BCL2L1: variants seen among roughly 807,000 people sequenced by gnomAD.
The protein encoded by BCL2L1 is BCL2 like 1.
In BCL2L1, 1 loss-of-function variant was observed where a neutral mutation model predicts 18.7. The ratio of observed to expected loss-of-function variants is 0.05; its 90% CI spans 0.02 to 0.25. The LOEUF is 0.25. BCL2L1 is among the 10% of genes least tolerant of loss of function. The pLI, the probability that BCL2L1 is intolerant of heterozygous loss-of-function variation, is 1.00. For missense variants in BCL2L1, 207 were observed against 304.9 expected (o/e 0.68, Z 2.39); for synonymous variants, 103 against 122.7 (o/e 0.84, Z 1.06).
intron 2 of BCL2L1, among the ~76,000 whole-genome samples, chr20:31,692,031 A>G (rs1324491274): frequency 6.6e-6 from 1 of 152,232 alleles, no homozygotes; most frequent in Non-Finnish European, 1.5e-5. Flanking sequence ...AAACCCTACA[A>G]CAATGATTCT....
intron 2 of BCL2L1, among the ~76,000 whole-genome samples, chr20:31,681,839 T>C (rs1187101939): frequency 6.6e-6 from 1 of 152,214 alleles, no homozygotes; most frequent in Non-Finnish European, 1.5e-5. Flanking sequence ...CTATTTCTGC[T>C]GCTCTCATGG....
intron 2 of BCL2L1, among the ~76,000 whole-genome samples, chr20:31,697,893 T>TTTTTTTTTGTTTGTTTGTTTGTTTG (rs1568880175): frequency 2.8e-5 from 3 of 108,112 alleles, no homozygotes; most frequent in African/African-American, 4.9e-5. Context: ...GCTGTTGCTG[T>TTTTTTTTTGTTTGTTTGTTTGTTTG]TTTTTTTTTT....
chr20:31,681,369 C>T (rs1023403401), intron 2 of BCL2L1, among the ~76,000 whole-genome samples: 5 of 152,164 alleles, frequency 3.3e-5, no homozygotes, highest in Non-Finnish European at 5.9e-5. Flanking sequence ...TAAGGCTGGG[C>T]CAGGTGTAGC....
chr20:31,675,257 G>C (rs2060741064), intron 2 of BCL2L1, among the ~76,000 whole-genome samples: 1 of 152,202 alleles, frequency 6.6e-6, no homozygotes, highest in Non-Finnish European at 1.5e-5. Context: ...GCCAGGAAAA[G>C]TGCCAGGGAC....
chr20:31,715,287 A>G lies in BCL2L1; in HGVS notation c.564+6368T>C, dbSNP rs184872791. On this transcript the variant is annotated intron_variant, in intron 2 of 2. Coordinates refer to ENST00000307677, the MANE Select transcript of BCL2L1 (RefSeq NM_138578.3). ...ACTCTGTCTCAAAAAAAAAAAAAAAAGGAATACAGACCATTCCACCAAAGC... is the reference window on the plus strand; with the variant it reads ...ACTCTGTCTCAAAAAAAAAAAAAAAGGGAATACAGACCATTCCACCAAAGC... 4.6e-3 allele frequency among the ~76,000 whole-genome samples: 701 copies of G among 151,330 alleles called. 27 individuals are homozygous for G. In the East Asian group the frequency reaches 0.096, roughly 21 times the overall value.
chr20:31,687,790 C>G (rs936144253), intron 2 of BCL2L1, among the ~76,000 whole-genome samples: 6 of 152,106 alleles, frequency 3.9e-5, no homozygotes, highest in Non-Finnish European at 8.8e-5. Flanking sequence ...CTCATAGCTT[C>G]CAGGCTGGCT....
intron 2 of BCL2L1, among the ~76,000 whole-genome samples, chr20:31,712,229 G>A (rs58002849): frequency 0.035 from 5,390 of 152,224 alleles, 306 homozygotes; most frequent in African/African-American, 0.12. Context: ...ATAGCGCACT[G>A]GACGAGGGAA....
intron 2 of BCL2L1, 58 bp from the exon 3 acceptor site, chr20:31,666,144 TG>T (rs2060584108): frequency 6.3e-7 from 1 of 1,597,050 alleles, no homozygotes; most frequent in Non-Finnish European, 8.6e-7. Flanking sequence ...TGTAGGTGGG[TG>T]GGGAAAGGGG....
intron 2 of BCL2L1, among the ~76,000 whole-genome samples, chr20:31,715,102 G>A (rs980141344): frequency 2.8e-4 from 42 of 151,792 alleles, no homozygotes; most frequent in African/African-American, 9.9e-4. Context: ...GTGAAACCCC[G>A]TCTACTAAAA....
intron 2 of BCL2L1, among the ~76,000 whole-genome samples, chr20:31,709,328 T>G (rs544467974): frequency 6.6e-6 from 1 of 152,060 alleles, no homozygotes; most frequent in South Asian, 2.1e-4. Flanking sequence ...TGTGTGTGTG[T>G]GCGCGCGTGC....
intron 2 of BCL2L1, among the ~76,000 whole-genome samples, chr20:31,700,169 G>C (rs2061252147): frequency 6.6e-6 from 1 of 152,170 alleles, no homozygotes; most frequent in Non-Finnish European, 1.5e-5. Flanking sequence ...GTTTATCTTA[G>C]CATCTTCAGC....
At chr20:31,689,062 A>C (rs1332675237) in intron 2 of BCL2L1, among the ~76,000 whole-genome samples, 1 of 151,270 alleles carries the variant, frequency 6.6e-6, no homozygotes, top group African/African-American at 2.4e-5. Context: ...AGGTAAAATA[A>C]TAGGGAAAGA....
chr20:31,670,707 A>G (rs2060654213), intron 2 of BCL2L1, among the ~76,000 whole-genome samples: 1 of 152,126 alleles, frequency 6.6e-6, no homozygotes, highest in Non-Finnish European at 1.5e-5. Context: ...TAGTATTTCC[A>G]AGGGGTGTGG....
intron 2 of BCL2L1, among the ~76,000 whole-genome samples, chr20:31,707,660 C>A (rs908334230): frequency 2.6e-5 from 4 of 151,936 alleles, no homozygotes; most frequent in Admixed American, 1.3e-4. Flanking sequence ...TGCCTGTAAT[C>A]CCAGCTACTC....
At chr20:31,691,706 A>G (rs1258473440) in intron 2 of BCL2L1, among the ~76,000 whole-genome samples, 1 of 152,198 alleles carries the variant, frequency 6.6e-6, no homozygotes, top group Non-Finnish European at 1.5e-5. Context: ...AAAGCCTACA[A>G]ACCCATAAGA....
intron 2 of BCL2L1, 105 bp from the exon 3 acceptor site, chr20:31,666,191 C>G: frequency 7.1e-7 from 1 of 1,416,610 alleles, no homozygotes. Flanking sequence ...ATGTGAAAAA[C>G]TGTAGCCATC....
At chr20:31,676,587 T>A (rs1464902407) in intron 2 of BCL2L1, among the ~76,000 whole-genome samples, 1 of 152,134 alleles carries the variant, frequency 6.6e-6, no homozygotes, top group Non-Finnish European at 1.5e-5. Flanking sequence ...TCCATTCTTC[T>A]CCCAGTGTCC....
At chr20:31,720,919 C>T (rs1478237614) in intron 2 of BCL2L1, 5 of 985,308 alleles carry the variant, frequency 5.1e-6, no homozygotes, top group Admixed American at 1.2e-4. Context: ...CCAACCGACC[C>T]CAGGCAATGA....
At chr20:31,675,601 C>T (rs1344677158) in intron 2 of BCL2L1, among the ~76,000 whole-genome samples, 1 of 152,136 alleles carries the variant, frequency 6.6e-6, no homozygotes, top group Non-Finnish European at 1.5e-5. Flanking sequence ...TTTCTCCTCT[C>T]CCCCACGGAA....
Sources: gnomAD v4.1 joint callset for allele counts (sites outside exome capture counted in the v4.1 genomes callset) on GRCh38, gnomAD v4.1.1 for gene constraint, MANE v1.5 for transcripts, NCBI Gene and HGNC (gene_info 2026-07-23, HGNC 2026-07-21) for gene names.